VPS13B: variants seen among roughly 807,000 people sequenced by gnomAD.
The protein encoded by VPS13B is intermembrane lipid transfer protein VPS13B.
Under a neutral mutation model 426.4 loss-of-function variants are expected in VPS13B, and 285 were observed. The observed-to-expected ratio is 0.67, with a 90% confidence interval of 0.61 to 0.74. VPS13B has a LOEUF of 0.74. VPS13B is among the 30% of genes least tolerant of loss of function. The pLI is 0.00. For synonymous variants in VPS13B, 1,676 were observed against 1,676.4 expected, an observed-to-expected ratio of 1.00 and a Z score of 0.01; for missense variants, 4,537 against 4,782.6, an observed-to-expected ratio of 0.95 and a Z score of 1.51.
At chr8:99,381,225 G>C (rs992560548) in intron 19 of VPS13B, among the ~76,000 whole-genome samples, 7 of 152,118 alleles carry the variant, frequency 4.6e-5, no homozygotes, top group African/African-American at 1.4e-4. Context: ...TTCCTGCAAA[G>C]GACATGATCT....
intron 4 of VPS13B, among the ~76,000 whole-genome samples, chr8:99,098,692 T>A (rs1846561305): frequency 6.6e-6 from 1 of 152,160 alleles, no homozygotes; most frequent in South Asian, 2.1e-4. Context: ...ATAAAATGGC[T>A]AAATTACTCT....
chr8:99,761,651 C>T (rs1420991080), intron 39 of VPS13B, among the ~76,000 whole-genome samples: 2 of 152,086 alleles, frequency 1.3e-5, no homozygotes, highest in African/African-American at 4.8e-5. Context: ...TGCATATTTT[C>T]TGTATACCCT....
At chr8:99,149,625 T>G (rs76199695) in intron 14 of VPS13B, among the ~76,000 whole-genome samples, 23 of 76,474 alleles carry the variant, frequency 3.0e-4, no homozygotes, top group East Asian at 1.2e-3. Flanking sequence ...GCCTATGTGT[T>G]TTTTTTTTTT....
At chr8:99,366,657 T>C (rs1428909035) in intron 19 of VPS13B, among the ~76,000 whole-genome samples, 1 of 152,008 alleles carries the variant, frequency 6.6e-6, no homozygotes, top group African/African-American at 2.4e-5. Context: ...TTCTCAATTG[T>C]GGTCTTCCTT....
chr8:99,397,318 T>A (rs1044379930), intron 21 of VPS13B, among the ~76,000 whole-genome samples: 1 of 152,132 alleles, frequency 6.6e-6, no homozygotes, highest in African/African-American at 2.4e-5. Flanking sequence ...CTAATTTTTG[T>A]ATTTTTAGTA....
At chr8:99,670,091 G>T (rs905799313) in intron 35 of VPS13B, among the ~76,000 whole-genome samples, 12 of 151,894 alleles carry the variant, frequency 7.9e-5, no homozygotes, top group East Asian at 1.9e-4. Context: ...TGTATTTTTT[G>T]AGTGCTTTTG....
intron 35 of VPS13B, among the ~76,000 whole-genome samples, chr8:99,670,712 T>C (rs903965118): frequency 1.3e-5 from 2 of 152,098 alleles, no homozygotes; most frequent in Admixed American, 6.6e-5. Context: ...TTACGTTCCA[T>C]ATATAAGTGA....
At chr8:99,649,144 C>T (rs1829705756) in intron 34 of VPS13B, among the ~76,000 whole-genome samples, 1 of 152,076 alleles carries the variant, frequency 6.6e-6, no homozygotes, top group Non-Finnish European at 1.5e-5. Flanking sequence ...GTTTTCAAGA[C>T]ACCTGCTTAT....
intron 23 of VPS13B, among the ~76,000 whole-genome samples, chr8:99,449,412 G>A (rs1336315329): frequency 6.6e-6 from 1 of 152,190 alleles, no homozygotes; most frequent in Admixed American, 6.5e-5. Context: ...TAAATCTGAT[G>A]AGCTGCTGCA....
intron 31 of VPS13B, among the ~76,000 whole-genome samples, chr8:99,557,389 A>G (rs1007394536): frequency 2.6e-5 from 4 of 151,812 alleles, no homozygotes; most frequent in African/African-American, 9.7e-5. Context: ...GTGAGAATAT[A>G]TGATACTTGG....
At position 99,580,267 on chromosome 8, in the gene VPS13B, G is replaced by A. The variant is rs1451728395; in HGVS notation, c.5220+2634G>A. Among the ~76,000 whole-genome samples the A allele has an allele frequency of 2.0e-5, 3 of 150,240 alleles. No individual in the cohort carries two copies. In the East Asian group the frequency reaches 5.9e-4, roughly 29 times the overall value. On this transcript the variant is annotated intron_variant, in intron 33 of 61. Coordinates refer to ENST00000357162, the MANE Select transcript of VPS13B (RefSeq NM_152564.5). ...TCTGATACTATGTTGATGCAACATA[G>A]TTCTATAAGAAGAAATTATGTATAT...
At chr8:99,816,515 C>T (rs1814050304) in intron 44 of VPS13B, among the ~76,000 whole-genome samples, 1 of 152,280 alleles carries the variant, frequency 6.6e-6, no homozygotes, top group African/African-American at 2.4e-5. Flanking sequence ...ATAAAACTTA[C>T]ACAGTTTAGG....
chr8:99,168,153 A>T (rs1426712489), intron 15 of VPS13B, among the ~76,000 whole-genome samples: 3 of 152,180 alleles, frequency 2.0e-5, no homozygotes, highest in Non-Finnish European at 4.4e-5. Flanking sequence ...GGCAATATTT[A>T]GAAGGTAACT....
chr8:99,659,294 C>T (rs1045231981), intron 34 of VPS13B, among the ~76,000 whole-genome samples: 2 of 151,912 alleles, frequency 1.3e-5, no homozygotes, highest in African/African-American at 4.8e-5. Context: ...CTTATTCTAT[C>T]CTCCACTGGT....
chr8:99,198,255 A>C (rs989061404), intron 17 of VPS13B, among the ~76,000 whole-genome samples: 1 of 152,104 alleles, frequency 6.6e-6, no homozygotes, highest in Non-Finnish European at 1.5e-5. Flanking sequence ...GAAACTGTCT[A>C]ATTCATTTAT....
intron 29 of VPS13B, 144 bp from the exon 30 acceptor site, chr8:99,520,755 C>T (rs1047208290): frequency 2.4e-5 from 11 of 466,682 alleles, no homozygotes; most frequent in Non-Finnish European, 3.9e-5. Flanking sequence ...TTATTTTAAA[C>T]ATGATTTTTT....
chr8:99,316,167 G>T (rs1027442640), intron 19 of VPS13B, among the ~76,000 whole-genome samples: 1 of 152,100 alleles, frequency 6.6e-6, no homozygotes, highest in East Asian at 1.9e-4. Context: ...GGCCCCAGGT[G>T]TTGGATGTGA....
intron 28 of VPS13B, among the ~76,000 whole-genome samples, chr8:99,509,352 G>T (rs1296743065): frequency 1.3e-5 from 2 of 152,092 alleles, no homozygotes; most frequent in Non-Finnish European, 2.9e-5. Context: ...TTGAGAGCAG[G>T]CTATTATTGG....
At chr8:99,441,592 A>G (rs1817678718) in intron 22 of VPS13B, among the ~76,000 whole-genome samples, 1 of 152,106 alleles carries the variant, frequency 6.6e-6, no homozygotes, top group Non-Finnish European at 1.5e-5. Flanking sequence ...CACCGCTAAG[A>G]CAAATAGACT....
Sources: allele counts gnomAD v4.1 joint callset (sites outside exome capture counted in the v4.1 genomes callset), GRCh38; gene constraint gnomAD v4.1.1; transcripts MANE v1.5; gene names NCBI Gene and HGNC (gene_info 2026-07-23, HGNC 2026-07-21).